Variants in CLMP observed in about 807,000 individuals in gnomAD.
CLMP encodes the protein CXADR like cell adhesion molecule, also known as CXADR-like membrane protein.
A neutral mutation model predicts 45.2 loss-of-function variants in CLMP; 27 were observed. The observed-to-expected ratio is 0.60, with a 90% CI of 0.44 to 0.82. The LOEUF is 0.82. Ranked by LOEUF, CLMP falls within the 40% of genes least tolerant of loss-of-function variation. The pLI is 0.00. For missense variants in CLMP, 403 were observed against 448.4 expected, an observed-to-expected ratio of 0.90 and a Z score of 0.91; for synonymous variants, 167 against 171.4, an observed-to-expected ratio of 0.97 and a Z score of 0.20.
At chr11:123,080,388 C>A (rs1387164923) in intron 5 of CLMP, among the ~76,000 whole-genome samples, 3 of 147,182 alleles carry the variant, frequency 2.0e-5, no homozygotes, top group African/African-American at 7.5e-5. Context: ...GAGTGAGTGG[C>A]ACAATCTAGG....
chr11:123,088,323 GTT>G (rs2135473003), intron 2 of CLMP, among the ~76,000 whole-genome samples: 1 of 152,302 alleles, frequency 6.6e-6, no homozygotes, highest in South Asian at 2.1e-4. Context: ...AAGCTGTAGA[GTT>G]TGTCTCCATT....
intron 1 of CLMP, among the ~76,000 whole-genome samples, chr11:123,134,912 C>A (rs569078946): frequency 1.9e-4 from 29 of 152,136 alleles, no homozygotes; most frequent in African/African-American, 7.0e-4. Flanking sequence ...AATCCAAGAG[C>A]AGCAATAAAC....
chr11:123,164,491 A>T lies in CLMP; in HGVS notation c.28+30422T>A, dbSNP rs142035282. Among the ~76,000 whole-genome samples, 1,409 of 152,086 alleles carry T rather than the reference A, an allele frequency of 9.3e-3. 25 individuals are homozygous for T. The highest frequency in any genetic ancestry group is 0.032 in the African/African-American group (1,339 of 41,490). Reference sequence around the variant, plus strand: ...GCTAGTTTTTGTATTTTTAGTAGAGACAGGGTTTCGTCATGTTGGTCAGGC... The same window carrying T: ...GCTAGTTTTTGTATTTTTAGTAGAGTCAGGGTTTCGTCATGTTGGTCAGGC... On this transcript the variant is annotated intron_variant, in intron 1 of 6. Coordinates refer to ENST00000448775, the MANE Select transcript of CLMP (RefSeq NM_024769.5).
At chr11:123,082,640 T>C (rs1865819293) in intron 5 of CLMP, among the ~76,000 whole-genome samples, 1 of 149,918 alleles carries the variant, frequency 6.7e-6, no homozygotes, top group Admixed American at 6.7e-5. Flanking sequence ...AGAGGGAGTC[T>C]CAGTCTGTCA....
chr11:123,075,529 GAC>G (rs1400387035), intron 5 of CLMP, among the ~76,000 whole-genome samples: 1 of 151,958 alleles, frequency 6.6e-6, no homozygotes, highest in Admixed American at 6.6e-5. Flanking sequence ...TGGGACTACA[GAC>G]GCCCGCCACC....
At chr11:123,085,595 T>TAAAA (rs35921171) in intron 2 of CLMP, among the ~76,000 whole-genome samples, 6 of 82,094 alleles carry the variant, frequency 7.3e-5, no homozygotes, top group Non-Finnish European at 1.2e-4. Context: ...GCTACAAAGA[T>TAAAA]AAAAAAAAAA....
intron 1 of CLMP, among the ~76,000 whole-genome samples, chr11:123,190,580 T>C (rs1201791533): frequency 6.6e-6 from 1 of 152,196 alleles, no homozygotes; most frequent in Non-Finnish European, 1.5e-5. Context: ...TCCAGTCCTG[T>C]TCCTTGTACA....
At chr11:123,155,231 TCC>T (rs1861396498) in intron 1 of CLMP, among the ~76,000 whole-genome samples, 1 of 152,162 alleles carries the variant, frequency 6.6e-6, no homozygotes, top group Non-Finnish European at 1.5e-5. Context: ...CCTGAAGGGG[TCC>T]TCCTGCCTTG....
intron 1 of CLMP, among the ~76,000 whole-genome samples, chr11:123,123,441 A>G (rs1479946552): frequency 6.6e-6 from 1 of 151,650 alleles, no homozygotes; most frequent in Non-Finnish European, 1.5e-5. Flanking sequence ...GAATTTTTGT[A>G]GAGACAGTGC....
intron 2 of CLMP, among the ~76,000 whole-genome samples, chr11:123,096,892 C>A (rs989154961): frequency 6.6e-6 from 1 of 152,108 alleles, no homozygotes; most frequent in African/African-American, 2.4e-5. Flanking sequence ...CTCACTGCAG[C>A]CTTGACCTCC....
chr11:123,148,921 AG>A (rs1351694734), intron 1 of CLMP, among the ~76,000 whole-genome samples: 1 of 152,214 alleles, frequency 6.6e-6, no homozygotes, highest in Non-Finnish European at 1.5e-5. Context: ...CTTTTAGAAG[AG>A]CACATCAAAT....
At chr11:123,082,395 G>A (rs1042577745) in intron 5 of CLMP, among the ~76,000 whole-genome samples, 4 of 152,112 alleles carry the variant, frequency 2.6e-5, no homozygotes, top group East Asian at 1.9e-4. Context: ...TGCAACCTCC[G>A]TGTCTCAGGT....
At chr11:123,151,136 T>C (rs928541028) in intron 1 of CLMP, among the ~76,000 whole-genome samples, 6 of 152,196 alleles carry the variant, frequency 3.9e-5, no homozygotes, top group Non-Finnish European at 8.8e-5. Flanking sequence ...CAGCGTGCTG[T>C]CTGTGAGCTT....
chr11:123,084,085 G>A (rs1429232809), intron 3 of CLMP, among the ~76,000 whole-genome samples: 2 of 152,174 alleles, frequency 1.3e-5, no homozygotes, highest in Non-Finnish European at 2.9e-5. Context: ...GGCAGAGGCT[G>A]CCTCATTACT....
At chr11:123,150,480 AAAGGAAGGAAGGAAGGAAGG>A (rs71057397) in intron 1 of CLMP, among the ~76,000 whole-genome samples, 1 of 40,962 alleles carries the variant, frequency 2.4e-5, no homozygotes, top group African/African-American at 1.1e-4. Context: ...AGAAAGAAAG[AAAGGAAGGAAGGAAGGAAGG>A]AAGGAAGGAA....
intron 1 of CLMP, among the ~76,000 whole-genome samples, chr11:123,146,295 G>A (rs1489114619): frequency 3.3e-5 from 5 of 152,132 alleles, no homozygotes; most frequent in Admixed American, 6.6e-5. Context: ...CATTTTGGGA[G>A]TATATATATA....
rs1865695580 is a variant in CLMP at position 123,073,341 on chromosome 11, G to C, written c.*133C>G. 1.0e-6 allele frequency: 1 copy of C among 988,532 alleles called. No individual in the cohort carries two copies. The highest frequency in any genetic ancestry group is 2.4e-5 in the East Asian group (1 of 41,314). The allele number at this position is 988,532 out of a possible 1,614,324, so 61.2% of individuals were successfully genotyped here. A position where few individuals can be genotyped will look rare whatever the true frequency, so the allele number is the denominator to read the frequency against. On this transcript the variant is annotated 3_prime_UTR_variant, in exon 7 of 7. Coordinates refer to ENST00000448775, the MANE Select transcript of CLMP (RefSeq NM_024769.5). ...ATAAGGAAAATGCTCATCTGAATCT[G>C]TTCCGTGCAATGCTCACTGCTACTT...
chr11:123,173,469 G>A (rs939216086), intron 1 of CLMP, among the ~76,000 whole-genome samples: 4 of 152,316 alleles, frequency 2.6e-5, no homozygotes, highest in African/African-American at 7.2e-5. Context: ...GGAAGTCTGC[G>A]TGTAATAACC....
chr11:123,159,134 G>A (rs547675419), intron 1 of CLMP, among the ~76,000 whole-genome samples: 7 of 152,272 alleles, frequency 4.6e-5, no homozygotes, highest in African/African-American at 1.7e-4. Flanking sequence ...AAATCATTGT[G>A]CTTAAAATTG....
Sources: allele counts gnomAD v4.1 joint callset (sites outside exome capture counted in the v4.1 genomes callset), GRCh38; gene constraint gnomAD v4.1.1; transcripts MANE v1.5; gene names NCBI Gene and HGNC (gene_info 2026-07-23, HGNC 2026-07-21).